PPP2R5D: variants seen among roughly 807,000 people sequenced by gnomAD.
PPP2R5D encodes protein phosphatase 2 regulatory subunit B'delta.
A neutral mutation model predicts 79.1 loss-of-function variants in PPP2R5D; 12 were observed. That is an observed-to-expected ratio of 0.15 (90% CI 0.10 to 0.25). The LOEUF is 0.25. PPP2R5D is among the 10% of genes least tolerant of loss of function. The probability of loss-of-function intolerance (pLI) is 1.00; values close to 1 mark genes in which losing one functional copy is unlikely to be tolerated. For missense variants in PPP2R5D, 419 were observed against 760.2 expected (o/e 0.55, Z 5.28); for synonymous variants, 277 against 286.6 (o/e 0.97, Z 0.34).
At chr6:43,003,713 A>AT (rs895453249) in intron 2 of PPP2R5D, among the ~76,000 whole-genome samples, 71 of 147,722 alleles carry the variant, frequency 4.8e-4, no homozygotes, top group African/African-American at 1.4e-3. Context: ...TTTGTACTGT[A>AT]TTTTTTTTTT....
In PPP2R5D at chr6:42,998,011, T is replaced by TAA. The variant is rs1189100610; in HGVS notation, c.105+8323_105+8324insAA. ...TTATTTATATTTGAATATTTGGGTT[T>TAA]TATTTATATATATATATATATATAT... On this transcript the variant is annotated intron_variant, in intron 2 of 15. Coordinates refer to ENST00000485511, the MANE Select transcript of PPP2R5D (RefSeq NM_006245.4). Among the ~76,000 whole-genome samples, 252 of 72,540 alleles carry TAA rather than the reference T, an allele frequency of 3.5e-3. 12 individuals are homozygous for TAA. The highest frequency in any genetic ancestry group is 0.02 in the African/African-American group (238 of 11,740). The allele number at this position is 72,540 out of a possible 152,430, so 47.6% of individuals were successfully genotyped here. A position where few individuals can be genotyped will look rare whatever the true frequency, so the allele number is the denominator to read the frequency against.
rs375663526 is a variant in PPP2R5D at position 43,010,507 on chromosome 6, T to C, written c.1419T>C (p.Phe473=). 9 of 1,614,118 alleles carry C rather than the reference T, an allele frequency of 5.6e-6. No individual in the cohort carries two copies. Among genetic ancestry groups the C allele is most frequent in the Non-Finnish European group, 6.8e-6 (8 of 1,180,024 alleles). Residue 473 remains phenylalanine (F), a synonymous_variant, in exon 13 of 16, where the codon TTT becomes TTC. Transcript: ENST00000485511. The surrounding 1 kb of genome is among the most constrained non-coding windows in gnomAD (Gnocchi z 4.7). ...TGATCTATAATGCCCTGAAGTTGTT[T>C]ATGGAAATGAATCAGAAGCTGTTTG... ...HGLIYNALKL[F]MEMNQKLFDD... is the part of the protein sequence containing the mutation.
intron 2 of PPP2R5D, among the ~76,000 whole-genome samples, chr6:43,004,524 TTTAGA>T (rs1039385818): frequency 1.1e-4 from 16 of 152,058 alleles, no homozygotes; most frequent in Admixed American, 8.5e-4. Flanking sequence ...CTTTTCCTAC[TTTAGA>T]TTAGATTCCT....
intron 2 of PPP2R5D, among the ~76,000 whole-genome samples, chr6:43,004,738 T>C (rs756723765): frequency 6.6e-6 from 1 of 151,708 alleles, no homozygotes; most frequent in Non-Finnish European, 1.5e-5. Flanking sequence ...AACTAAACTA[T>C]GTATTACATA....
chr6:42,998,015 TTATATATATATATATATA>T (rs1561843629), intron 2 of PPP2R5D, among the ~76,000 whole-genome samples: 158 of 32,348 alleles, frequency 4.9e-3, no homozygotes, highest in Middle Eastern at 0.048. Flanking sequence ...TGGGTTTTAT[TTATATATATATATATATA>T]TATATATATA....
intron 2 of PPP2R5D, among the ~76,000 whole-genome samples, chr6:42,989,995 G>C (rs1166195970): frequency 6.6e-6 from 1 of 152,152 alleles, no homozygotes; most frequent in African/African-American, 2.4e-5. Context: ...TGGGATCCTG[G>C]GCAAAAGGGG....
chr6:43,003,273 A>G (rs957458937), intron 2 of PPP2R5D, among the ~76,000 whole-genome samples: 1 of 151,990 alleles, frequency 6.6e-6, no homozygotes, highest in Non-Finnish European at 1.5e-5. Context: ...AAATACAAAA[A>G]GTAGCTGGCA....
At chr6:43,005,395 A>G (rs1762019334) in intron 2 of PPP2R5D, among the ~76,000 whole-genome samples, 1 of 151,920 alleles carries the variant, frequency 6.6e-6, no homozygotes. Flanking sequence ...GGGATCCTCC[A>G]ACCTTGAGTA....
Position 43,008,713 on chromosome 6 carries a change from A to G in PPP2R5D, c.1047A>G (p.Gln349=), listed in dbSNP as rs973815515. Residue 349 remains glutamine (Q), a synonymous_variant, in exon 10 of 16, where the codon CAA becomes CAG. Transcript: ENST00000485511. The surrounding 1 kb of genome is among the most constrained non-coding windows in gnomAD (Gnocchi z 4.2). The part of the protein sequence containing the change: ...YHPQLAYCVV[Q]FLEKESSLTE... ...TGCAGCTGGCATACTGTGTGGTACA[A>G]TTCCTGGAGAAGGAGAGCAGTCTGA... 5 of 1,614,036 alleles carry G rather than the reference A, an allele frequency of 3.1e-6. No homozygotes were observed. The highest frequency in any genetic ancestry group is 2.2e-5 in the East Asian group (1 of 44,882).
At chr6:42,987,162 T>C (rs768184701) in intron 1 of PPP2R5D, among the ~76,000 whole-genome samples, 5 of 152,336 alleles carry the variant, frequency 3.3e-5, no homozygotes, top group South Asian at 4.1e-4. Context: ...AGGCCACTTA[T>C]GGTCCTTTTG....
chr6:42,984,810 GC>G, intron 1 of PPP2R5D, 106 bp downstream of exon 1: 1 of 1,518,750 alleles, frequency 6.6e-7, no homozygotes, highest in South Asian at 1.2e-5. Flanking sequence ...CTCCCGTCCA[GC>G]CCCCGCAGGA....
In PPP2R5D at chr6:43,011,769, C is replaced by G. The variant is rs560993404; in HGVS notation, c.*483C>G. 15 of 169,452 alleles carry G rather than the reference C, an allele frequency of 8.9e-5. No individual in the cohort carries two copies. Among genetic ancestry groups the G allele is most frequent in the East Asian group, 3.5e-4 (2 of 5,740 alleles). 10.5% of individuals were successfully genotyped at this position (169,452 alleles called of 1,614,324 possible). On this transcript the variant is annotated 3_prime_UTR_variant, in exon 16 of 16. Transcript: ENST00000485511. ...GAGTAGCTGAAGGGAAGCCAACCCC[C>G]CTGCAGCACAAATAGGCCCCCCAGT...
chr6:43,000,716 C>G (rs1480020267), intron 2 of PPP2R5D, among the ~76,000 whole-genome samples: 1 of 152,212 alleles, frequency 6.6e-6, no homozygotes, highest in Non-Finnish European at 1.5e-5. Flanking sequence ...CCTAGTATCA[C>G]TGATGTTTCT....
In PPP2R5D at chr6:43,005,725, G is replaced by A. The variant is rs536814654; in HGVS notation, c.106-738G>A. Among the ~76,000 whole-genome samples, 124 of 151,960 alleles carry A rather than the reference G, an allele frequency of 8.2e-4. 2 individuals carry two copies. The highest frequency in any genetic ancestry group is 1.1e-3 in the Non-Finnish European group (73 of 67,948). The stretch of plus-strand genomic sequence containing the variant: ...CAACCTCCGCCTCCTGGGTTCAAGC[G>A]ATTCTCCTGCCTCAGCCTCCCAAGT... On this transcript the variant is annotated intron_variant, in intron 2 of 15. Coordinates refer to ENST00000485511, the MANE Select transcript of PPP2R5D (RefSeq NM_006245.4).
chr6:42,998,016 T>TATAC (rs1771846089), intron 2 of PPP2R5D, among the ~76,000 whole-genome samples: 4 of 7,144 alleles, frequency 5.6e-4, no homozygotes, highest in African/African-American at 2.3e-3. Flanking sequence ...GGGTTTTATT[T>TATAC]ATATATATAT....
At chr6:43,004,896 C>T (rs1159357927) in intron 2 of PPP2R5D, among the ~76,000 whole-genome samples, 3 of 151,374 alleles carry the variant, frequency 2.0e-5, no homozygotes, top group Admixed American at 1.3e-4. Flanking sequence ...ATTACAGGCA[C>T]CCGCCACCAC....
At chr6:43,001,484 T>G (rs1183982698) in intron 2 of PPP2R5D, among the ~76,000 whole-genome samples, 1 of 152,160 alleles carries the variant, frequency 6.6e-6, no homozygotes, top group East Asian at 1.9e-4. Flanking sequence ...AACGGAACAT[T>G]TGAGTTGTGC....
Position 42,994,542 on chromosome 6 carries a change from C to T in PPP2R5D, c.105+4854C>T, listed in dbSNP as rs534278009. Among the ~76,000 whole-genome samples, 48 of 152,248 alleles carry T rather than the reference C, an allele frequency of 3.2e-4. No individual in the cohort carries two copies. The East Asian group carries it at 6.4e-3, about 20-fold the overall frequency. ...TGGAAAAAAAAATTCAATGTCCTCA[C>T]GCCTGTAATCCCAGCATTTTGGGAG... On this transcript the variant is annotated intron_variant, in intron 2 of 15. Coordinates refer to ENST00000485511, the MANE Select transcript of PPP2R5D (RefSeq NM_006245.4).
chr6:43,002,781 C>T (rs1474332204), intron 2 of PPP2R5D, among the ~76,000 whole-genome samples: 1 of 152,180 alleles, frequency 6.6e-6, no homozygotes, highest in African/African-American at 2.4e-5. Flanking sequence ...CCTCCCCCAC[C>T]CCAGAGGATT....
Sources: allele counts gnomAD v4.1 joint callset (sites outside exome capture counted in the v4.1 genomes callset), GRCh38; gene constraint gnomAD v4.1.1; non-coding constraint Gnocchi (gnomAD v3.1); transcripts MANE v1.5; gene names NCBI Gene and HGNC (gene_info 2026-07-23, HGNC 2026-07-21).